The following SCG5 variants were observed in gnomAD, a reference collection of about 807,000 sequenced individuals.
The protein encoded by SCG5 is neuroendocrine protein 7B2.
A neutral mutation model predicts 25.7 loss-of-function variants in SCG5; 18 were observed. That is an observed-to-expected ratio of 0.70 (90% CI 0.48 to 1.04). SCG5 has a LOEUF of 1.04. SCG5 is among the 50% of genes least tolerant of loss of function. SCG5 has a pLI of 0.00. For missense variants in SCG5, 206 were observed against 259.8 expected (o/e 0.79, Z 1.42); for synonymous variants, 101 against 91.7 (o/e 1.10, Z -0.58).
intron 2 of SCG5, among the ~76,000 whole-genome samples, chr15:32,677,922 G>T (rs1376500282): frequency 6.6e-6 from 1 of 152,176 alleles, no homozygotes; most frequent in Non-Finnish European, 1.5e-5. Flanking sequence ...CTTATTCACT[G>T]CTGTGTTTTG....
Position 32,696,635 on chromosome 15 carries a change from C to T in SCG5, c.*26C>T. On this transcript the variant is annotated 3_prime_UTR_variant, in exon 6 of 6. Transcript: ENST00000300175. ...AGAGAAGATGCTAGACGAAAACCCA[C>T]ATTACCTGTTAGGCCTCAGCATGGC... 1.3e-6 allele frequency: 2 copies of T among 1,490,918 alleles called. No homozygotes were observed. Among genetic ancestry groups the T allele is most frequent in the Non-Finnish European group, 1.9e-6 (2 of 1,072,448 alleles). The allele number at this position is 1,490,918 out of a possible 1,614,324, so 92.4% of individuals were successfully genotyped here. A position where few individuals can be genotyped will look rare whatever the true frequency, so the allele number is the denominator to read the frequency against.
At chr15:32,651,257 A>G (rs2054027495) in intron 2 of SCG5, among the ~76,000 whole-genome samples, 1 of 152,214 alleles carries the variant, frequency 6.6e-6, no homozygotes, top group South Asian at 2.1e-4. Context: ...TTGGACTTCA[A>G]ATTTTTCACT....
intron 2 of SCG5, among the ~76,000 whole-genome samples, chr15:32,649,032 A>C (rs113137317): frequency 0.03 from 4,611 of 152,296 alleles, 118 homozygotes; most frequent in East Asian, 0.091. Context: ...CTGGGATTAC[A>C]GGCGTGAGCC....
chr15:32,649,262 C>A (rs1214881638), intron 2 of SCG5, among the ~76,000 whole-genome samples: 1 of 152,178 alleles, frequency 6.6e-6, no homozygotes, highest in Non-Finnish European at 1.5e-5. Flanking sequence ...TACCTAATGG[C>A]AATAAGTATG....
intron 2 of SCG5, among the ~76,000 whole-genome samples, chr15:32,675,460 A>G (rs1266166193): frequency 6.6e-6 from 1 of 152,224 alleles, no homozygotes; most frequent in Non-Finnish European, 1.5e-5. Flanking sequence ...AGCTTTGTAC[A>G]ATGGTCTGTT....
intron 2 of SCG5, among the ~76,000 whole-genome samples, chr15:32,655,157 A>C (rs570640067): frequency 1.3e-5 from 2 of 152,196 alleles, no homozygotes; most frequent in Non-Finnish European, 2.9e-5. Context: ...CAATACAAAA[A>C]ATTAGCTGGA....
chr15:32,687,874 G>A (rs2054747169), intron 4 of SCG5, among the ~76,000 whole-genome samples: 1 of 152,166 alleles, frequency 6.6e-6, no homozygotes, highest in Non-Finnish European at 1.5e-5. Context: ...AAAGATGAAT[G>A]ATAATAGTAA....
chr15:32,664,690 G>C (rs2140532766), intron 2 of SCG5, among the ~76,000 whole-genome samples: 1 of 152,326 alleles, frequency 6.6e-6, no homozygotes, highest in South Asian at 2.1e-4. Context: ...CAGTAATAAA[G>C]AGATCCCTAC....
intron 4 of SCG5, among the ~76,000 whole-genome samples, chr15:32,686,118 C>A (rs1228145706): frequency 1.3e-5 from 2 of 152,232 alleles, no homozygotes; most frequent in Non-Finnish European, 2.9e-5. Context: ...AATTTTGCTT[C>A]TTCCAATTTG....
At chr15:32,684,838 C>G (rs2054677237) in intron 4 of SCG5, among the ~76,000 whole-genome samples, 169 bp downstream of exon 4, 1 of 152,196 alleles carries the variant, frequency 6.6e-6, no homozygotes, top group Non-Finnish European at 1.5e-5. Context: ...CAAAACCACA[C>G]TTATGTGTCC....
chr15:32,656,435 T>G (rs752766827), intron 2 of SCG5, among the ~76,000 whole-genome samples: 16 of 152,238 alleles, frequency 1.1e-4, no homozygotes, highest in Non-Finnish European at 2.1e-4. Context: ...CAGAAATACT[T>G]TTCTATATTC....
chr15:32,667,064 T>C (rs2054330882), intron 2 of SCG5, among the ~76,000 whole-genome samples: 1 of 152,230 alleles, frequency 6.6e-6, no homozygotes, highest in Non-Finnish European at 1.5e-5. Context: ...ATTCTTTATA[T>C]CAATTACATG....
intron 2 of SCG5, among the ~76,000 whole-genome samples, chr15:32,673,527 CGTGTGTGTGT>C (rs55968956): frequency 6.7e-5 from 9 of 134,878 alleles, no homozygotes; most frequent in Admixed American, 2.2e-4. Flanking sequence ...ATAAGATCCC[CGTGTGTGTGT>C]GTGTGTGTGT....
At chr15:32,695,050 C>G (rs1433090438) in intron 5 of SCG5, among the ~76,000 whole-genome samples, 2 of 148,478 alleles carry the variant, frequency 1.3e-5, no homozygotes, top group South Asian at 2.1e-4. Flanking sequence ...GAGTCTCGCT[C>G]TGTCGCCCAG....
chr15:32,656,060 A>G (rs2054111910), intron 2 of SCG5: 1 of 152,178 alleles, frequency 6.6e-6, no homozygotes. Context: ...AGCACTGGGA[A>G]CCATAGGTTC....
chr15:32,683,597 G>A (rs1295280592), intron 3 of SCG5, among the ~76,000 whole-genome samples: 2 of 152,172 alleles, frequency 1.3e-5, no homozygotes, highest in Non-Finnish European at 2.9e-5. Flanking sequence ...TGTGCCGGGT[G>A]TTCTAAATGT....
intron 3 of SCG5, among the ~76,000 whole-genome samples, chr15:32,682,604 C>G (rs192688493): frequency 6.6e-6 from 1 of 152,354 alleles, no homozygotes; most frequent in East Asian, 1.9e-4. Context: ...CAGACACTTT[C>G]TTGTCACAGG....
intron 2 of SCG5, among the ~76,000 whole-genome samples, chr15:32,653,171 T>A (rs1408814827): frequency 6.6e-6 from 1 of 152,246 alleles, no homozygotes; most frequent in African/African-American, 2.4e-5. Context: ...AGTAGTAGGC[T>A]TAGTAATTCT....
At chr15:32,687,410 T>G (rs141547181) in intron 4 of SCG5, among the ~76,000 whole-genome samples, 1 of 152,360 alleles carries the variant, frequency 6.6e-6, no homozygotes, top group African/African-American at 2.4e-5. Context: ...TAGATACCTT[T>G]TATCATCTGC....
Sources: gnomAD v4.1 joint callset for allele counts (sites outside exome capture counted in the v4.1 genomes callset) on GRCh38, gnomAD v4.1.1 for gene constraint, MANE v1.5 for transcripts, NCBI Gene and HGNC (gene_info 2026-07-23, HGNC 2026-07-21) for gene names.